The following ZNF618 variants were observed in gnomAD, a reference collection of about 807,000 sequenced individuals.
ZNF618 encodes the protein neural precursor cell expressed, developmentally down-regulated 10.
Under a neutral mutation model 103.0 loss-of-function variants are expected in ZNF618, and 34 were observed. That is an observed-to-expected ratio of 0.33 (90% CI 0.25 to 0.44). ZNF618 has a LOEUF of 0.44. ZNF618 is among the 20% of genes least tolerant of loss of function. The probability of loss-of-function intolerance (pLI) is 1.00; values close to 1 mark genes in which losing one functional copy is unlikely to be tolerated. For missense variants in ZNF618, 1,059 were observed against 1,295.4 expected (o/e 0.82, Z 2.80); for synonymous variants, 551 against 542.2 (o/e 1.02, Z -0.23).
chr9:114,039,815 C>G (rs1202742443), intron 13 of ZNF618, among the ~76,000 whole-genome samples: 1 of 152,184 alleles, frequency 6.6e-6, no homozygotes, highest in African/African-American at 2.4e-5. Context: ...GACCCAACAA[C>G]AGCAGATGCC....
chr9:113,999,891 G>A (rs1404262012), intron 4 of ZNF618, among the ~76,000 whole-genome samples: 1 of 152,220 alleles, frequency 6.6e-6, no homozygotes, highest in Non-Finnish European at 1.5e-5. Flanking sequence ...AGGGGAATTG[G>A]CAGAAACTGC....
chr9:113,965,957 T>C (rs374271252), intron 1 of ZNF618, among the ~76,000 whole-genome samples: 13 of 152,242 alleles, frequency 8.5e-5, no homozygotes, highest in African/African-American at 3.1e-4. Flanking sequence ...GATGCCGACT[T>C]GCAGCTTGGG....
At chr9:113,885,971 C>T (rs1451634829) in intron 1 of ZNF618, among the ~76,000 whole-genome samples, 1 of 152,122 alleles carries the variant, frequency 6.6e-6, no homozygotes, top group Admixed American at 6.6e-5. Context: ...CTATAGAAAA[C>T]ACAGGGAAAA....
intron 1 of ZNF618, among the ~76,000 whole-genome samples, chr9:113,966,729 A>G (rs1837437995): frequency 6.6e-6 from 1 of 152,146 alleles, no homozygotes. Flanking sequence ...TTGTCCATCC[A>G]TATTCCAATG....
intron 12 of ZNF618, 58 bp downstream of exon 12, chr9:114,032,786 C>G: frequency 2.0e-6 from 3 of 1,488,778 alleles, no homozygotes; most frequent in Non-Finnish European, 2.8e-6. Flanking sequence ...GCCCGCTCCC[C>G]CCTGGCAGCC....
chr9:113,938,559 A>ATTTTT (rs1834243105), intron 1 of ZNF618, among the ~76,000 whole-genome samples: 1 of 97,460 alleles, frequency 1.0e-5, no homozygotes, highest in Non-Finnish European at 2.2e-5. Flanking sequence ...CTCCCATTAT[A>ATTTTT]TTTTCTTTTT....
At chr9:113,893,985 A>G (rs1829827763) in intron 1 of ZNF618, among the ~76,000 whole-genome samples, 1 of 152,198 alleles carries the variant, frequency 6.6e-6, no homozygotes, top group South Asian at 2.1e-4. Context: ...AAAGGAGTTT[A>G]TGTTCAATGA....
At chr9:113,947,853 C>T (rs1308847795) in intron 1 of ZNF618, among the ~76,000 whole-genome samples, 2 of 152,130 alleles carry the variant, frequency 1.3e-5, no homozygotes, top group Admixed American at 6.5e-5. Context: ...TCTTTCTTCC[C>T]CTCTTCTCCG....
chr9:113,924,426 T>TC (rs1366741802), intron 1 of ZNF618, among the ~76,000 whole-genome samples: 5 of 144,252 alleles, frequency 3.5e-5, no homozygotes, highest in East Asian at 2.0e-4. Flanking sequence ...TTCTTCTTCT[T>TC]TTTTTTTTTT....
chr9:114,036,913 G>T (rs1447019846), intron 13 of ZNF618, among the ~76,000 whole-genome samples: 2 of 152,174 alleles, frequency 1.3e-5, no homozygotes, highest in Non-Finnish European at 2.9e-5. Flanking sequence ...AGATTTCTAG[G>T]CTCCATTGTG....
intron 1 of ZNF618, among the ~76,000 whole-genome samples, chr9:113,879,178 G>A (rs142051436): frequency 1.3e-5 from 2 of 151,762 alleles, no homozygotes; most frequent in Admixed American, 6.6e-5. Flanking sequence ...AGGGGTGGAG[G>A]GGGGTAGGGG....
intron 1 of ZNF618, among the ~76,000 whole-genome samples, chr9:113,911,354 GT>G (rs778173962): frequency 3.1e-4 from 47 of 152,104 alleles, no homozygotes; most frequent in Admixed American, 8.5e-4. Flanking sequence ...TTGAGATGGA[GT>G]TTCACTCTAG....
chr9:113,993,874 G>A (rs953833990), intron 3 of ZNF618, among the ~76,000 whole-genome samples: 7 of 113,356 alleles, frequency 6.2e-5, no homozygotes, highest in Non-Finnish European at 1.0e-4. Context: ...TAGCCAATAC[G>A]GAGAAGTCTC....
intron 1 of ZNF618, among the ~76,000 whole-genome samples, chr9:113,951,440 T>TATACACATAC (rs1554732871): frequency 6.4e-4 from 19 of 29,470 alleles, no homozygotes; most frequent in African/African-American, 1.1e-3. Flanking sequence ...TGTATATATA[T>TATACACATAC]ACATATATGT....
At chr9:113,946,593 G>T (rs887636049) in intron 1 of ZNF618, among the ~76,000 whole-genome samples, 1 of 152,152 alleles carries the variant, frequency 6.6e-6, no homozygotes, top group Admixed American at 6.5e-5. Context: ...CCCTGACCCA[G>T]CGTGTAATTA....
At chr9:113,878,877 G>A (rs1283785282) in intron 1 of ZNF618, among the ~76,000 whole-genome samples, 3 of 152,110 alleles carry the variant, frequency 2.0e-5, no homozygotes, top group Admixed American at 2.0e-4. Context: ...TTATCTCTGT[G>A]AAATATATTT....
At chr9:114,005,986 C>T (rs1306925906) in intron 6 of ZNF618, among the ~76,000 whole-genome samples, 24 of 152,208 alleles carry the variant, frequency 1.6e-4, no homozygotes, top group Non-Finnish European at 4.4e-5. Flanking sequence ...TCCAAGGAAC[C>T]TGTGGCTCCT....
intron 6 of ZNF618, among the ~76,000 whole-genome samples, chr9:114,005,316 A>G (rs1841637955): frequency 6.6e-6 from 1 of 152,228 alleles, no homozygotes; most frequent in Non-Finnish European, 1.5e-5. Flanking sequence ...CACTGACAAA[A>G]AAATGATTCT....
chr9:114,037,579 C>T (rs1223812646), intron 13 of ZNF618, among the ~76,000 whole-genome samples: 1 of 152,168 alleles, frequency 6.6e-6, no homozygotes, highest in Non-Finnish European at 1.5e-5. Context: ...GTGAGACGTG[C>T]CTGACATAAT....
Sources: allele counts gnomAD v4.1 joint callset (sites outside exome capture counted in the v4.1 genomes callset), GRCh38; gene constraint gnomAD v4.1.1; transcripts MANE v1.5; gene names NCBI Gene and HGNC (gene_info 2026-07-23, HGNC 2026-07-21).